Variants in APOLD1 observed in about 807,000 individuals in gnomAD.
The protein encoded by APOLD1 is apolipoprotein L domain containing 1.
A neutral mutation model predicts 15.3 loss-of-function variants in APOLD1; 22 were observed. The observed-to-expected ratio is 1.44, with a 90% CI of 1.03 to 2.05. The LOEUF (loss-of-function observed/expected upper bound fraction) is 2.05. Ranked by LOEUF, APOLD1 falls within the 30% of genes most tolerant of loss-of-function variation. The pLI, the probability that APOLD1 is intolerant of heterozygous loss-of-function variation, is 0.00. For missense variants in APOLD1, 394 were observed against 353.5 expected, an observed-to-expected ratio of 1.11 and a Z score of -0.92; for synonymous variants, 190 against 167.4, an observed-to-expected ratio of 1.13 and a Z score of -1.04.
At chr12:12,750,218 CA>C (rs1946800631) in intron 1 of APOLD1, among the ~76,000 whole-genome samples, 1 of 151,892 alleles carries the variant, frequency 6.6e-6, no homozygotes, top group Non-Finnish European at 1.5e-5. Context: ...ACTAAAAATA[CA>C]AAATTAACTG....
rs1947171182 is a variant in APOLD1 at position 12,790,052 on chromosome 12, G to A, written c.*2400G>A. The A allele has an allele frequency of 6.7e-6, 1 of 149,592 alleles. No individual in the cohort carries two copies. The allele number at this position is 149,592 out of a possible 1,614,324, so 9.3% of individuals were successfully genotyped here. On this transcript the variant is annotated 3_prime_UTR_variant, in exon 2 of 2. Coordinates refer to ENST00000356591, the MANE Select transcript of APOLD1 (RefSeq NM_030817.3). ...GAGTCTCACTCTGTCACCTAGGCTG[G>A]AGTTGCAGTGGTTTGATCTCGGCTC... is the stretch of plus-strand genomic sequence containing the variant.
intron 1 of APOLD1, among the ~76,000 whole-genome samples, chr12:12,757,839 C>T (rs1946867412): frequency 6.6e-6 from 1 of 151,884 alleles, no homozygotes; most frequent in South Asian, 2.1e-4. Context: ...CAGGCACCCA[C>T]TGAAGGTCTT....
At chr12:12,771,477 T>C (rs1331935082) in intron 1 of APOLD1, 2 of 484,886 alleles carry the variant, frequency 4.1e-6, no homozygotes, top group African/African-American at 2.0e-5. Context: ...GCAAAGTTTT[T>C]CATCTGTGTT....
rs528006881 is a variant in APOLD1, at chr12:12,778,088, C to A, written c.97-8821C>A. ...CACAGGGGTGCACAACCACACCTGG[C>A]TATTTTTTTTATTTTTTATTTTTTT... On this transcript the variant is annotated intron_variant, in intron 1 of 1. Coordinates refer to the APOLD1 transcript ENST00000326765. Among the ~76,000 whole-genome samples, 3 of 151,612 alleles carry A rather than the reference C, an allele frequency of 2.0e-5. No individual in the cohort carries two copies. The South Asian group carries it at 6.3e-4, about 32-fold the overall frequency.
chr12:12,729,883 T>C, intron 1 of APOLD1, among the ~76,000 whole-genome samples: 1 of 152,132 alleles, frequency 6.6e-6, no homozygotes, highest in Non-Finnish European at 1.5e-5. Context: ...GACATTTTTT[T>C]TTGAGACCAG....
intron 1 of APOLD1, among the ~76,000 whole-genome samples, chr12:12,754,202 C>CAAAAAA (rs373664204): frequency 2.6e-5 from 2 of 78,326 alleles, no homozygotes; most frequent in Admixed American, 1.7e-4. Flanking sequence ...GACTCTGTCT[C>CAAAAAA]AAAAAAAAAA....
intron 1 of APOLD1, among the ~76,000 whole-genome samples, chr12:12,745,981 T>G (rs554856443): frequency 6.6e-6 from 1 of 152,124 alleles, no homozygotes. Context: ...TTTTTGTGGC[T>G]GAGGTTCACA....
intron 1 of APOLD1, among the ~76,000 whole-genome samples, chr12:12,741,501 A>G (rs1350836524): frequency 6.6e-6 from 1 of 152,184 alleles, no homozygotes; most frequent in African/African-American, 2.4e-5. Context: ...GGCATGAGCC[A>G]TTGTGCCCGG....
rs1310156462 is a variant in APOLD1 at position 12,788,980 on chromosome 12, G to C, written c.*1328G>C. The C allele has an allele frequency of 1.3e-5, 2 of 152,024 alleles. No individual in the cohort carries two copies. The highest frequency in any genetic ancestry group is 2.9e-5 in the Non-Finnish European group (2 of 68,012). 9.4% of individuals were successfully genotyped at this position (152,024 alleles called of 1,614,324 possible). A position where few individuals can be genotyped will look rare whatever the true frequency, so the allele number is the denominator to read the frequency against. On this transcript the variant is annotated 3_prime_UTR_variant, in exon 2 of 2. Transcript: ENST00000356591. ...GATGTAACACTAAAAGCCCATTAGGGGGCAGTGTTTCCCGCCTGTTGTAGA... is the reference window on the plus strand; with the variant it reads ...GATGTAACACTAAAAGCCCATTAGGCGGCAGTGTTTCCCGCCTGTTGTAGA...
chr12:12,768,992 C>T (rs902123736), intron 1 of APOLD1, among the ~76,000 whole-genome samples: 1 of 152,022 alleles, frequency 6.6e-6, no homozygotes, highest in Non-Finnish European at 1.5e-5. Flanking sequence ...CTTTGGGAGG[C>T]TGAGGCAAAA....
chr12:12,757,334 C>T (rs1393548797), intron 1 of APOLD1, among the ~76,000 whole-genome samples: 1 of 152,116 alleles, frequency 6.6e-6, no homozygotes, highest in Non-Finnish European at 1.5e-5. Flanking sequence ...GCCCACTGAA[C>T]CACAACAGAC....
In APOLD1 at chr12:12,770,181, G is replaced by A. The variant is rs930083848; in HGVS notation, c.97-16728G>A. ...TCCCAGCACTTTGGGAGGCCGAGGC[G>A]GGCAGATCACGAAGTCAGTTCAAGA... On this transcript the variant is annotated intron_variant, in intron 1 of 1. Coordinates refer to the APOLD1 transcript ENST00000326765. Among the ~76,000 whole-genome samples the A allele has an allele frequency of 3.9e-5, 6 of 152,028 alleles. No individual in the cohort carries two copies. The South Asian group carries it at 6.2e-4, about 16-fold the overall frequency.
At position 12,786,995 on chromosome 12, in the gene APOLD1, G is replaced by A; in HGVS notation, c.90G>A (p.Arg30=). The A allele has an allele frequency of 1.4e-6, 2 of 1,419,670 alleles. No homozygotes were observed. Among genetic ancestry groups the A allele is most frequent in the Non-Finnish European group, 9.1e-7 (1 of 1,098,286 alleles). The allele number at this position is 1,419,670 out of a possible 1,614,324, so 87.9% of individuals were successfully genotyped here. ...FQGLLLDRRG[R]LHGQVLRLRE... ...GACTGCTGCTGGACCGCCGAGGCCG[G>A]CTGCACGGCCAGGTGCTGCGCCTGC... is the stretch of plus-strand genomic sequence containing the variant. The change falls in exon 2 of 2, where the codon CGG becomes CGA. Residue 30 remains arginine, a synonymous_variant. Transcript: ENST00000356591.
Position 12,788,839 on chromosome 12 carries a change from C to T in APOLD1, c.*1187C>T, listed in dbSNP as rs1159818205. On this transcript the variant is annotated 3_prime_UTR_variant, in exon 2 of 2. Transcript: ENST00000356591. ...GCTTCTCTAGGGACTCCATGGTCTT[C>T]AGAGTCGTTCACAGATGACCAAGGA... The T allele has an allele frequency of 6.6e-6, 1 of 152,170 alleles. No homozygotes were observed. Among genetic ancestry groups the T allele is most frequent in the Non-Finnish European group, 1.5e-5 (1 of 68,038 alleles). 9.4% of individuals were successfully genotyped at this position (152,170 alleles called of 1,614,324 possible). A position where few individuals can be genotyped will look rare whatever the true frequency, so the allele number is the denominator to read the frequency against.
At chr12:12,742,605 A>C (rs556132516) in intron 1 of APOLD1, among the ~76,000 whole-genome samples, 23 of 152,288 alleles carry the variant, frequency 1.5e-4, no homozygotes, top group Non-Finnish European at 2.5e-4. Flanking sequence ...TCTCTACTAA[A>C]AATTCAAAAA....
intron 1 of APOLD1, among the ~76,000 whole-genome samples, chr12:12,772,471 T>C (rs570114915): frequency 2.2e-4 from 33 of 152,080 alleles, no homozygotes; most frequent in African/African-American, 7.7e-4. Flanking sequence ...AACAACGGAG[T>C]GTCAAAATTT....
intron 1 of APOLD1, among the ~76,000 whole-genome samples, chr12:12,746,522 A>AATAAATAAATAC (rs1555089077): frequency 2.1e-5 from 3 of 144,044 alleles, no homozygotes; most frequent in South Asian, 2.2e-4. Context: ...TAAATACATA[A>AATAAATAAATAC]ATACATACAT....
At chr12:12,730,054 G>A (rs866668952) in intron 1 of APOLD1, among the ~76,000 whole-genome samples, 217 of 105,312 alleles carry the variant, frequency 2.1e-3, no homozygotes, top group Middle Eastern at 4.9e-3. Context: ...GTGTGTGTGT[G>A]TGTGTGTGTG....
At chr12:12,739,978 G>A (rs1016154530) in intron 1 of APOLD1, among the ~76,000 whole-genome samples, 2 of 128,590 alleles carry the variant, frequency 1.6e-5, no homozygotes, top group Non-Finnish European at 3.3e-5. Flanking sequence ...TGCCACATCC[G>A]GCTAATTTTT....
Sources: gnomAD v4.1 joint callset for allele counts (sites outside exome capture counted in the v4.1 genomes callset) on GRCh38, gnomAD v4.1.1 for gene constraint, MANE v1.5 for transcripts, NCBI Gene and HGNC (gene_info 2026-07-23, HGNC 2026-07-21) for gene names.